ZNF99: variants seen among roughly 807,000 people sequenced by gnomAD.
ZNF99 encodes the protein zinc finger protein 99.
ZNF99 carries 8 observed loss-of-function variants against 12.8 expected under a neutral mutation model. The observed-to-expected ratio is 0.62, with a 90% CI of 0.37 to 1.13. The LOEUF (loss-of-function observed/expected upper bound fraction) is 1.13, where lower values mean the gene tolerates loss of function less well. Ranked by LOEUF, ZNF99 falls within the 50% of genes most tolerant of loss-of-function variation. The pLI is 0.02. For synonymous variants in ZNF99, 318 were observed against 319.0 expected (o/e 1.00, Z 0.03); for missense variants, 1,007 against 1,006.2 (o/e 1.00, Z -0.01).
rs56115674 is a variant in ZNF99 at position 22,756,524 on chromosome 19, G to A, written c.*790C>T. 0.095 allele frequency: 148,803 copies of A among 1,570,268 alleles called. 12,176 individuals carry two copies. The highest frequency in any genetic ancestry group is 0.15 in the Middle Eastern group (896 of 5,798). ...GAGAAATGGCTAAAAGCTTTGCCAC[G>A]TTCTTCACATTTGTAGGGTTTCTCT... On this transcript the variant is annotated 3_prime_UTR_variant, in exon 4 of 4. Transcript: ENST00000596209.
intron 3 of ZNF99, among the ~76,000 whole-genome samples, chr19:22,761,244 C>T (rs1478705718): frequency 6.6e-6 from 1 of 152,046 alleles, no homozygotes; most frequent in Non-Finnish European, 1.5e-5. Flanking sequence ...TACCTCTTCC[C>T]CTAATGGCGT....
At chr19:22,763,822 C>T (rs759420203) in intron 3 of ZNF99, among the ~76,000 whole-genome samples, 8 of 151,054 alleles carry the variant, frequency 5.3e-5, no homozygotes, top group Non-Finnish European at 1.2e-4. Flanking sequence ...CAGAAATAAA[C>T]CCAAATATTA....
At chr19:22,759,747 C>A in intron 3 of ZNF99, 65 bp from the exon 4 acceptor site, 2 of 1,221,786 alleles carry the variant, frequency 1.6e-6, no homozygotes, top group Non-Finnish European at 2.2e-6. Context: ...CTTTACAAAT[C>A]TAACCTATAA....
In ZNF99 at chr19:22,755,063, A is replaced by C. The variant is rs1973030189; in HGVS notation, c.*2251T>G. ...TCCAGAGCCTGGGCAACTAGGGCGAAACTCTGTTTCAAAAAAAAAAAAAAA... is the reference window on the plus strand; with the variant it reads ...TCCAGAGCCTGGGCAACTAGGGCGACACTCTGTTTCAAAAAAAAAAAAAAA... On this transcript the variant is annotated 3_prime_UTR_variant, in exon 4 of 4. Coordinates refer to ENST00000596209, the MANE Select transcript of ZNF99 (RefSeq NM_001080409.3). The C allele has an allele frequency of 7.5e-6, 1 of 133,508 alleles. No homozygotes were observed. The highest frequency in any genetic ancestry group is 3.6e-5 in the African/African-American group (1 of 27,832). The allele number at this position is 133,508 out of a possible 1,614,324, so 8.3% of individuals were successfully genotyped here. A position where few individuals can be genotyped will look rare whatever the true frequency, so the allele number is the denominator to read the frequency against.
In ZNF99 at chr19:22,768,301, A is replaced by G. The variant is rs967997835; in HGVS notation, c.226+4T>C. On this transcript the variant is annotated splice_donor_region_variant and intron_variant, in intron 3 of 3. Coordinates refer to ENST00000596209, the MANE Select transcript of ZNF99 (RefSeq NM_001080409.3). ...TGTTGTTTCTTGTATTCACTCTCAC[A>G]TACCTGGGGGTTTAGTTACCATCTC... is the stretch of plus-strand genomic sequence containing the variant. 9.9e-6 allele frequency: 16 copies of G among 1,613,894 alleles called. No homozygotes were observed. Among genetic ancestry groups the G allele is most frequent in the African/African-American group, 2.7e-5 (2 of 75,030 alleles).
intron 1 of ZNF99, among the ~76,000 whole-genome samples, chr19:22,776,354 T>TAAA (rs572280017): frequency 0.07 from 5,746 of 82,014 alleles, 436 homozygotes; most frequent in Middle Eastern, 0.11. Context: ...TCATCTCAAT[T>TAAA]AAAAAAAAAA....
At chr19:22,767,704 A>T (rs1027425394) in intron 3 of ZNF99, among the ~76,000 whole-genome samples, 2 of 152,208 alleles carry the variant, frequency 1.3e-5, no homozygotes, top group African/African-American at 4.8e-5. Context: ...ATAATAGAAA[A>T]TTCATATAGA....
At position 22,759,394 on chromosome 19, in the gene ZNF99, G is replaced by A. The variant is rs755714585; in HGVS notation, c.515C>T (p.Thr172Ile). ...TTTGCTACATTTCATACATTTGAAA[G>A]TTTTCTTTTTAGTGTGTCTAATCTT... ...RYKIRHTKKK[T>I]FKCMKCSKSF... The change falls in exon 4 of 4, where the codon ACT becomes ATT. Residue 172 changes from threonine to isoleucine, a missense_variant. By Grantham distance (89) the Thr-to-Ile change is moderately conservative. Coordinates refer to ENST00000596209, the MANE Select transcript of ZNF99 (RefSeq NM_001080409.3). The A allele has an allele frequency of 6.4e-7, 1 of 1,564,488 alleles. No homozygotes were observed. The highest frequency in any genetic ancestry group is 1.9e-5 in the Admixed American group (1 of 52,198).
At chr19:22,774,861 A>C (rs1973308552) in intron 1 of ZNF99, among the ~76,000 whole-genome samples, 4 of 152,236 alleles carry the variant, frequency 2.6e-5, no homozygotes, top group African/African-American at 9.6e-5. Flanking sequence ...CAGAGCGAGG[A>C]TCTGACTCAA....
intron 3 of ZNF99, among the ~76,000 whole-genome samples, chr19:22,760,499 C>T (rs143134876): frequency 2.0e-5 from 3 of 152,102 alleles, no homozygotes; most frequent in Non-Finnish European, 2.9e-5. Context: ...AATCCCAGCA[C>T]CTTGAGAGGC....
At position 22,759,441 on chromosome 19, in the gene ZNF99, T is replaced by G; in HGVS notation, c.468A>C (p.Lys156Asn). 6.3e-7 allele frequency: 1 copy of G among 1,595,700 alleles called. No homozygotes were observed. The highest frequency in any genetic ancestry group is 1.1e-5 in the South Asian group (1 of 87,842). Reference sequence around the variant, plus strand: ...TCTTATATCTATTTGAATTTGAATATTTATGAAAGACTTTCACATATTTGT... The same window carrying G: ...TCTTATATCTATTTGAATTTGAATAGTTATGAAAGACTTTCACATATTTGT... ...QCNKYVKVFH[K>N]YSNSNRYKIR... is the part of the protein sequence containing the mutation. Residue 156 changes from lysine (K) to asparagine (N), a missense_variant, in exon 4 of 4, where the codon AAA becomes AAC. Lys to Asn is a moderately conservative substitution (Grantham distance 94). Transcript: ENST00000596209.
chr19:22,783,929 G>A, intron 1 of ZNF99, 85 bp downstream of exon 1: 2 of 1,548,808 alleles, frequency 1.3e-6, no homozygotes, highest in South Asian at 1.1e-5. Flanking sequence ...TCACTGAGGG[G>A]AGGCCTGAGT....
In ZNF99 at chr19:22,758,729, G is replaced by A. The variant is rs565513507; in HGVS notation, c.1180C>T (p.Gln394Ter). ...LRKHEIIHTG[Q>*]KPYKCEECGK... ...CATTCTTCACATTTGTAGGGTTTCT[G>A]TCCAGTATGAATTATCTCATGTTTT... Residue 394 changes from glutamine to a stop codon, truncating the protein, a stop_gained, in exon 4 of 4, where the codon CAG (glutamine) becomes TAG (stop). Coordinates refer to ENST00000596209, the MANE Select transcript of ZNF99 (RefSeq NM_001080409.3). LOFTEE classifies it low-confidence loss of function (END_TRUNC). The A allele has an allele frequency of 1.7e-5, 28 of 1,609,112 alleles. No homozygotes were observed. In the South Asian group the frequency reaches 3.1e-4, roughly 18 times the overall value.
intron 1 of ZNF99, among the ~76,000 whole-genome samples, chr19:22,772,300 G>T (rs1973282232): frequency 1.3e-5 from 2 of 152,144 alleles, no homozygotes; most frequent in Non-Finnish European, 2.9e-5. Context: ...TAGTTTTTAG[G>T]TACAAGTTAT....
At chr19:22,760,152 G>T (rs1973134423) in intron 3 of ZNF99, among the ~76,000 whole-genome samples, 1 of 152,118 alleles carries the variant, frequency 6.6e-6, no homozygotes, top group Non-Finnish European at 1.5e-5. Flanking sequence ...TCAAAAATTA[G>T]CCAGGCATGG....
At chr19:22,761,278 G>A (rs1010433477) in intron 3 of ZNF99, among the ~76,000 whole-genome samples, 1 of 152,080 alleles carries the variant, frequency 6.6e-6, no homozygotes, top group Admixed American at 6.6e-5. Context: ...AAAATGGCTT[G>A]CTATTCACCT....
Position 22,758,783 on chromosome 19 carries a change from T to C in ZNF99, c.1126A>G (p.Lys376Glu), listed in dbSNP as rs1973111521. 1 of 1,604,242 alleles carries C rather than the reference T, an allele frequency of 6.2e-7. No individual in the cohort carries two copies. Among genetic ancestry groups the C allele is most frequent in the Non-Finnish European group, 8.5e-7 (1 of 1,173,800 alleles). Residue 376 changes from lysine to glutamate, a missense_variant, in exon 4 of 4, where the codon AAA (lysine) becomes GAA (glutamate). Lys to Glu is a moderately conservative substitution (Grantham distance 56). Coordinates refer to ENST00000596209, the MANE Select transcript of ZNF99 (RefSeq NM_001080409.3). ...EKPYKYEECGKAFSNLSALRK... is the reference protein window; with the variant it reads ...EKPYKYEECGEAFSNLSALRK... ...AGGGCTGACAAATTGCTAAAAGCTT[T>C]GCCGCATTCTTCATATTTGTAGGGT... is the stretch of plus-strand genomic sequence containing the variant.
chr19:22,768,255 G>T (rs1973226264), intron 3 of ZNF99, 50 bp downstream of exon 3: 2 of 1,586,940 alleles, frequency 1.3e-6, no homozygotes, highest in African/African-American at 1.3e-5. Flanking sequence ...CTTTCTCCTG[G>T]ACCTCTGGAC....
In ZNF99 at chr19:22,755,589, T is replaced by A; in HGVS notation, c.*1725A>T. On this transcript the variant is annotated 3_prime_UTR_variant, in exon 4 of 4. Transcript: ENST00000596209. ...TGTTCAGTAAGTTTTGAGAAGCAGT[T>A]AAAAGTTTTGCCAAATTCTTTAAAT... 1 of 283,464 alleles carries A rather than the reference T, an allele frequency of 3.5e-6. No homozygotes were observed. 17.6% of individuals were successfully genotyped at this position (283,464 alleles called of 1,614,324 possible).
Sources: gnomAD v4.1 joint callset for allele counts (sites outside exome capture counted in the v4.1 genomes callset) on GRCh38, gnomAD v4.1.1 for gene constraint, MANE v1.5 for transcripts, NCBI Gene and HGNC (gene_info 2026-07-23, HGNC 2026-07-21) for gene names.